Variants in LYRM4 observed in about 807,000 individuals in gnomAD.
LYRM4 encodes LYR motif containing 4.
Under a neutral mutation model 11.7 loss-of-function variants are expected in LYRM4, and 9 were observed. That is an observed-to-expected ratio of 0.77 (90% CI 0.46 to 1.34). The LOEUF is 1.34. Ranked by LOEUF, LYRM4 falls within the 40% of genes most tolerant of loss-of-function variation. LYRM4 has a pLI of 0.00. For synonymous variants in LYRM4, 42 were observed against 40.4 expected, an observed-to-expected ratio of 1.04 and a Z score of -0.15; for missense variants, 133 against 112.5, an observed-to-expected ratio of 1.18 and a Z score of -0.82.
intron 1 of LYRM4, among the ~76,000 whole-genome samples, chr6:5,218,643 C>G (rs1170054510): frequency 6.6e-6 from 1 of 152,192 alleles, no homozygotes; most frequent in South Asian, 2.1e-4. Context: ...TTCAGAGGAG[C>G]TGCTGAGCGC....
chr6:5,254,539 C>G (rs953810393), intron 1 of LYRM4, among the ~76,000 whole-genome samples: 4 of 152,150 alleles, frequency 2.6e-5, no homozygotes, highest in Non-Finnish European at 5.9e-5. Context: ...AACTTGCTAC[C>G]TAGGTACTAT....
chr6:5,114,300 C>G (rs1402790106), intron 2 of LYRM4, among the ~76,000 whole-genome samples: 2 of 152,222 alleles, frequency 1.3e-5, no homozygotes, highest in African/African-American at 4.8e-5. Flanking sequence ...CATGGAGCCA[C>G]CATGCCAGCT....
chr6:5,092,228 C>T, the LYRM4 span, among the ~76,000 whole-genome samples: 1 of 152,124 alleles, frequency 6.6e-6, no homozygotes, highest in Non-Finnish European at 1.5e-5. Context: ...ACTAACAGCC[C>T]TTAAAGGGAT....
At chr6:5,246,685 C>T (rs567665149) in intron 1 of LYRM4, among the ~76,000 whole-genome samples, 2 of 151,918 alleles carry the variant, frequency 1.3e-5, no homozygotes, top group East Asian at 1.9e-4. Context: ...AGACAGAATG[C>T]GGGGAAGTTG....
intron 2 of LYRM4, among the ~76,000 whole-genome samples, chr6:5,188,160 C>T (rs561790188): frequency 1.7e-4 from 26 of 152,102 alleles, no homozygotes; most frequent in African/African-American, 5.3e-4. Context: ...GACCAGCCTG[C>T]GAAACATGAT....
intron 2 of LYRM4, among the ~76,000 whole-genome samples, chr6:5,182,687 T>C (rs1169871338): frequency 6.6e-6 from 1 of 152,222 alleles, no homozygotes; most frequent in Non-Finnish European, 1.5e-5. Flanking sequence ...ATGTGTATTT[T>C]AAAAAGGTAA....
chr6:5,148,998 A>T (rs1026872295), intron 2 of LYRM4, among the ~76,000 whole-genome samples: 4 of 152,168 alleles, frequency 2.6e-5, no homozygotes, highest in Non-Finnish European at 4.4e-5. Context: ...TTAAAACTGT[A>T]CTTTAAACCT....
At chr6:5,068,908 T>A in the LYRM4 span, among the ~76,000 whole-genome samples, 4 of 152,238 alleles carry the variant, frequency 2.6e-5, no homozygotes, top group African/African-American at 9.6e-5. The surrounding 1 kb of genome is among the most constrained non-coding windows in gnomAD (Gnocchi z 4.0). Flanking sequence ...AACTTCACCA[T>A]AAGTTTGATG....
chr6:5,041,314 C>A, the LYRM4 span, among the ~76,000 whole-genome samples: 2 of 152,152 alleles, frequency 1.3e-5, no homozygotes, highest in Non-Finnish European at 1.5e-5. Flanking sequence ...CCTCAAAATC[C>A]TTCTGTTTCC....
chr6:5,076,914 G>A, the LYRM4 span, among the ~76,000 whole-genome samples: 2 of 152,170 alleles, frequency 1.3e-5, no homozygotes, highest in African/African-American at 4.8e-5. Flanking sequence ...TAGCAGGGTG[G>A]CTGCAACCAC....
intron 2 of LYRM4, among the ~76,000 whole-genome samples, chr6:5,168,632 T>G (rs1759231541): frequency 6.6e-6 from 1 of 152,040 alleles, no homozygotes; most frequent in African/African-American, 2.4e-5. Context: ...GACTGACCCT[T>G]TACTGATCCT....
intron 1 of LYRM4, among the ~76,000 whole-genome samples, chr6:5,255,167 G>A (rs115170250): frequency 5.3e-4 from 80 of 152,252 alleles, no homozygotes; most frequent in African/African-American, 1.9e-3. Flanking sequence ...CCCTACAGTA[G>A]TTAGCCAAGG....
intron 2 of LYRM4, among the ~76,000 whole-genome samples, chr6:5,208,833 A>C (rs1761841507): frequency 6.6e-6 from 1 of 152,230 alleles, no homozygotes; most frequent in Non-Finnish European, 1.5e-5. Context: ...AGACTGAACA[A>C]ATGAATGTCA....
intron 2 of LYRM4, among the ~76,000 whole-genome samples, chr6:5,124,045 C>G (rs116306989): frequency 0.01 from 1,589 of 152,224 alleles, 23 homozygotes; most frequent in African/African-American, 0.034. Flanking sequence ...CCTCTGCTCT[C>G]CCAGGGCCGT....
the LYRM4 span, among the ~76,000 whole-genome samples, chr6:5,057,189 C>G: frequency 6.6e-6 from 1 of 152,186 alleles, no homozygotes; most frequent in Non-Finnish European, 1.5e-5. Context: ...AACCCAACCC[C>G]CCTTTCCCCA....
chr6:5,168,039 A>G (rs1451624485), intron 2 of LYRM4, among the ~76,000 whole-genome samples: 1 of 152,136 alleles, frequency 6.6e-6, no homozygotes, highest in African/African-American at 2.4e-5. Flanking sequence ...GTGAACATCA[A>G]AAAGAATAAG....
chr6:5,092,888 G>A, the LYRM4 span, among the ~76,000 whole-genome samples: 27 of 152,078 alleles, frequency 1.8e-4, no homozygotes, highest in Non-Finnish European at 2.9e-4. Context: ...TGTGACGCTC[G>A]GATCACCATT....
chr6:5,074,327 G>T, the LYRM4 span, among the ~76,000 whole-genome samples: 1 of 149,770 alleles, frequency 6.7e-6, no homozygotes, highest in African/African-American at 2.5e-5. Context: ...ATGGCAAAAA[G>T]TTGGTAAAAT....
intron 2 of LYRM4, among the ~76,000 whole-genome samples, chr6:5,214,923 C>T (rs776152747): frequency 4.0e-5 from 6 of 151,560 alleles, no homozygotes; most frequent in Non-Finnish European, 7.4e-5. Context: ...CCATCGGGAA[C>T]GTGCAGTGGC....
Sources: allele counts gnomAD v4.1 joint callset (sites outside exome capture counted in the v4.1 genomes callset), GRCh38; gene constraint gnomAD v4.1.1; non-coding constraint Gnocchi (gnomAD v3.1); transcripts MANE v1.5; gene names NCBI Gene and HGNC (gene_info 2026-07-23, HGNC 2026-07-21).